The following TEX36 variants were observed in gnomAD, a reference collection of about 807,000 sequenced individuals.
TEX36 encodes the protein testis expressed 36.
TEX36 carries 12 observed loss-of-function variants against 13.6 expected under a neutral mutation model. The ratio of observed to expected loss-of-function variants is 0.88; its 90% CI spans 0.56 to 1.43. TEX36 has a LOEUF of 1.43. Ranked by LOEUF, TEX36 falls within the 40% of genes most tolerant of loss-of-function variation. The probability of loss-of-function intolerance (pLI) is 0.00; values close to 1 mark genes in which losing one functional copy is unlikely to be tolerated. For synonymous variants in TEX36, 93 were observed against 83.0 expected, an observed-to-expected ratio of 1.12 and a Z score of -0.65; for missense variants, 224 against 228.3, an observed-to-expected ratio of 0.98 and a Z score of 0.12.
At chr10:125,639,044 AAT>A (rs1389147233) in intron 3 of TEX36, among the ~76,000 whole-genome samples, 1 of 152,258 alleles carries the variant, frequency 6.6e-6, no homozygotes, top group Non-Finnish European at 1.5e-5. Flanking sequence ...TGCTTTAGTA[AAT>A]AGTTTGTTTT....
intron 3 of TEX36, among the ~76,000 whole-genome samples, chr10:125,646,414 G>A (rs1170476869): frequency 6.6e-6 from 1 of 152,180 alleles, no homozygotes; most frequent in Non-Finnish European, 1.5e-5. Context: ...AGAGCACCAT[G>A]ATGTGTCTAT....
chr10:125,596,296 A>T (rs1235047655), intron 3 of TEX36, among the ~76,000 whole-genome samples: 1 of 152,216 alleles, frequency 6.6e-6, no homozygotes, highest in Non-Finnish European at 1.5e-5. Context: ...TTATAAGAGG[A>T]GAGAAGAAGG....
chr10:125,681,398 T>A (rs924109161), intron 1 of TEX36, among the ~76,000 whole-genome samples: 1 of 152,252 alleles, frequency 6.6e-6, no homozygotes, highest in Non-Finnish European at 1.5e-5. Context: ...ACATAGGTAA[T>A]AGCTAGAGGG....
chr10:125,585,930 G>A (rs544939733), intron 3 of TEX36, among the ~76,000 whole-genome samples: 2 of 152,324 alleles, frequency 1.3e-5, no homozygotes, highest in South Asian at 4.1e-4. Context: ...AGGAAGGTTT[G>A]GAAACTTCCC....
At chr10:125,681,874 C>T (rs1847400058) in intron 1 of TEX36, among the ~76,000 whole-genome samples, 1 of 152,206 alleles carries the variant, frequency 6.6e-6, no homozygotes. Context: ...TCCCATTTTA[C>T]AGACAAAGAA....
intron 3 of TEX36, among the ~76,000 whole-genome samples, chr10:125,580,011 T>C (rs905642859): frequency 6.6e-6 from 1 of 152,234 alleles, no homozygotes; most frequent in Non-Finnish European, 1.5e-5. Context: ...TTGGTCAACA[T>C]GATTTAGAAA....
chr10:125,645,883 A>G (rs1846761319), intron 3 of TEX36, among the ~76,000 whole-genome samples: 1 of 152,240 alleles, frequency 6.6e-6, no homozygotes, highest in Non-Finnish European at 1.5e-5. Context: ...CTATGTGTTA[A>G]GCCTCAAGAA....
At chr10:125,638,473 CT>C (rs1362577676) in intron 3 of TEX36, among the ~76,000 whole-genome samples, 1 of 152,134 alleles carries the variant, frequency 6.6e-6, no homozygotes, top group Non-Finnish European at 1.5e-5. Context: ...TGGATTCCCC[CT>C]GGACCCCCAG....
chr10:125,596,735 C>G lies in TEX36; in HGVS notation c.265-19861G>C, dbSNP rs78266424. ...CAGTAGATGCTGAGAGAGCATTCAA[C>G]CACCTGCATGAGAAATCAGCAGATA... On this transcript the variant is annotated intron_variant, in intron 3 of 3. Coordinates refer to the TEX36 transcript ENST00000532135. Among the ~76,000 whole-genome samples the G allele has an allele frequency of 2.9e-4, 44 of 152,290 alleles. No individual in the cohort carries two copies. The East Asian group carries it at 6.6e-3, about 23-fold the overall frequency.
intron 1 of TEX36, among the ~76,000 whole-genome samples, chr10:125,672,907 A>G (rs9422930): frequency 0.017 from 2,634 of 151,952 alleles, 74 homozygotes; most frequent in African/African-American, 0.059. Context: ...TCTGATCTTT[A>G]TTGGTTTAAA....
chr10:125,625,843 G>A (rs1268902253), intron 3 of TEX36, among the ~76,000 whole-genome samples: 1 of 152,196 alleles, frequency 6.6e-6, no homozygotes, highest in South Asian at 2.1e-4. Context: ...TTCTCCAAGC[G>A]ATGCCACCGC....
At chr10:125,647,997 G>A (rs1007523190) in intron 3 of TEX36, among the ~76,000 whole-genome samples, 1 of 152,238 alleles carries the variant, frequency 6.6e-6, no homozygotes, top group African/African-American at 2.4e-5. Flanking sequence ...GGTAAACAAA[G>A]CATCGGGAAG....
At chr10:125,612,635 T>A (rs1846304601) in intron 3 of TEX36, among the ~76,000 whole-genome samples, 1 of 152,200 alleles carries the variant, frequency 6.6e-6, no homozygotes, top group African/African-American at 2.4e-5. Context: ...TGGGCAACTG[T>A]CCTCTTCTTA....
rs937871099 is a variant in TEX36, at chr10:125,602,145, C to A, written c.265-25271G>T. On this transcript the variant is annotated intron_variant, in intron 3 of 3. Coordinates refer to the TEX36 transcript ENST00000532135. ...TTCCTTGCCTGTCAAAAAGAAGGGG[C>A]AAGAGTATCCTGGGGAGAAGGAGGG... 1.3e-5 allele frequency among the ~76,000 whole-genome samples: 2 copies of A among 152,244 alleles called. 1 individual carries two copies.
intron 1 of TEX36, among the ~76,000 whole-genome samples, chr10:125,681,333 C>T (rs1489331549): frequency 6.6e-6 from 1 of 152,228 alleles, no homozygotes; most frequent in African/African-American, 2.4e-5. Flanking sequence ...GGTTAAGACA[C>T]TGTAGTCACT....
chr10:125,667,547 C>G, intron 1 of TEX36: 1 of 737,266 alleles, frequency 1.4e-6, no homozygotes, highest in South Asian at 1.4e-5. Context: ...GTACTGGGCA[C>G]AGCACTCAGA....
intron 3 of TEX36, among the ~76,000 whole-genome samples, chr10:125,607,969 A>G (rs188909041): frequency 1.2e-4 from 19 of 152,290 alleles, no homozygotes; most frequent in Admixed American, 3.9e-4. Flanking sequence ...TCTTCCATGC[A>G]TGAAATGATG....
chr10:125,588,341 C>T (rs2133529750), intron 3 of TEX36, among the ~76,000 whole-genome samples: 1 of 152,310 alleles, frequency 6.6e-6, no homozygotes, highest in East Asian at 1.9e-4. Flanking sequence ...TTTGATTTCA[C>T]TTACTGTGAA....
rs571928467 is a variant in TEX36, at chr10:125,613,981, T to G, written c.265-37107A>C. 1.2e-3 allele frequency among the ~76,000 whole-genome samples: 179 copies of G among 152,352 alleles called. 1 individual carries two copies. Among genetic ancestry groups the G allele is most frequent in the African/African-American group, 4.0e-3 (168 of 41,586 alleles). On this transcript the variant is annotated intron_variant, in intron 3 of 3. Transcript: ENST00000532135. ...TTTTAATGATTGCCATTCTAACTGG[T>G]GTGAGATGGTATCTCATTGTGGTTT...
Sources: gnomAD v4.1 joint callset for allele counts (sites outside exome capture counted in the v4.1 genomes callset) on GRCh38, gnomAD v4.1.1 for gene constraint, MANE v1.5 for transcripts, NCBI Gene and HGNC (gene_info 2026-07-23, HGNC 2026-07-21) for gene names.